Variants in TRIM32 observed in about 807,000 individuals in gnomAD.
TRIM32 encodes E3 ubiquitin-protein ligase TRIM32.
In TRIM32, 19 loss-of-function variants were observed where a neutral mutation model predicts 36.0. The observed-to-expected ratio is 0.53, with a 90% CI of 0.37 to 0.77. TRIM32 has a LOEUF of 0.77. TRIM32 is among the 30% of genes least tolerant of loss of function. The pLI, the probability that TRIM32 is intolerant of heterozygous loss-of-function variation, is 0.00. For missense variants in TRIM32, 747 were observed against 845.2 expected, an observed-to-expected ratio of 0.88 and a Z score of 1.44; for synonymous variants, 309 against 318.5, an observed-to-expected ratio of 0.97 and a Z score of 0.32.
At chr9:116,694,298 C>T (rs990506084) in intron 1 of TRIM32, among the ~76,000 whole-genome samples, 3 of 152,066 alleles carry the variant, frequency 2.0e-5, no homozygotes, top group African/African-American at 7.2e-5. Flanking sequence ...TCTGCACTGC[C>T]AGCTCTGGGA....
chr9:116,696,721 T>C (rs909819148), intron 1 of TRIM32, among the ~76,000 whole-genome samples: 4 of 152,188 alleles, frequency 2.6e-5, no homozygotes, highest in African/African-American at 4.8e-5. Context: ...AGTTTGAATA[T>C]CTGAAGAGCA....
rs201877419 is a variant in TRIM32 at position 116,698,034 on chromosome 9, C to A, written c.292C>A (p.Leu98Ile). 5.9e-5 allele frequency: 95 copies of A among 1,614,038 alleles called. No individual in the cohort carries two copies. In the Admixed American group the frequency reaches 1.5e-3, roughly 26 times the overall value. ...TAGLSEAVGLLMCRSCGRRLP... is the reference protein window; with the variant it reads ...TAGLSEAVGLIMCRSCGRRLP... ...TGGGCTCAGCGAGGCTGTGGGGCTG[C>A]TCATGTGTCGGTCCTGTGGGCGGCG... is the stretch of plus-strand genomic sequence containing the variant. Residue 98 changes from leucine (L) to isoleucine (I), a missense_variant, in exon 2 of 2, where the codon CTC (leucine) becomes ATC (isoleucine). Leu to Ile is a conservative substitution (Grantham distance 5). Coordinates refer to ENST00000450136, the MANE Select transcript of TRIM32 (RefSeq NM_012210.4). The surrounding 1 kb of genome is among the most constrained non-coding windows in gnomAD (Gnocchi z 4.4).
chr9:116,688,020 G>T (rs994672601), intron 1 of TRIM32, among the ~76,000 whole-genome samples: 1 of 152,058 alleles, frequency 6.6e-6, no homozygotes, highest in African/African-American at 2.4e-5. Context: ...AGAGGAAGGA[G>T]CAGGGTATGA....
rs560060853 is a variant in TRIM32 at position 116,687,729 on chromosome 9, C to T, written c.-82+348C>T. Among the ~76,000 whole-genome samples the T allele has an allele frequency of 1.2e-4, 18 of 151,788 alleles. No homozygotes were observed. The South Asian group carries it at 3.6e-3, about 30-fold the overall frequency. The stretch of plus-strand genomic sequence containing the variant: ...GTGGGAGATGGGAGGGAATCAGGGC[C>T]CTGGAGGGACCTGGGTGCAGAATTT... On this transcript the variant is annotated intron_variant, in intron 1 of 1. Coordinates refer to ENST00000450136, the MANE Select transcript of TRIM32 (RefSeq NM_012210.4).
At position 116,698,065 on chromosome 9, in the gene TRIM32, C is replaced by G; in HGVS notation, c.323C>G (p.Pro108Arg). The part of the protein sequence containing the change: ...LMCRSCGRRL[P>R]RQFCRSCGLV... ...TGTCGGTCCTGTGGGCGGCGTCTGC[C>G]CCGGCAATTCTGCCGGAGCTGTGGT... Residue 108 changes from proline to arginine, a missense_variant, in exon 2 of 2, where the codon CCC becomes CGC. By Grantham distance (103) the Pro-to-Arg change is moderately radical (BLOSUM62 -2). Transcript: ENST00000450136. This position sits in a 1 kb window ranked among gnomAD's most constrained non-coding sequence, Gnocchi z 4.4. 6.2e-7 allele frequency: 1 copy of G among 1,614,032 alleles called. No homozygotes were observed. Among genetic ancestry groups the G allele is most frequent in the South Asian group, 1.1e-5 (1 of 91,078 alleles).
Position 116,699,068 on chromosome 9 carries a change from T to A in TRIM32, c.1326T>A (p.Ile442=), listed in dbSNP as rs1372713940. ...LSVAMNCQGL[I]GVTDSYDNSL... is the part of the protein sequence containing the mutation. The stretch of plus-strand genomic sequence containing the variant: ...TGGCAATGAACTGCCAGGGGCTGAT[T>A]GGTGTGACTGACAGCTATGATAACT... The change falls in exon 2 of 2, where the codon ATT becomes ATA. Residue 442 remains isoleucine (I), a synonymous_variant. Coordinates refer to ENST00000450136, the MANE Select transcript of TRIM32 (RefSeq NM_012210.4). The surrounding 1 kb of genome is among the most constrained non-coding windows in gnomAD (Gnocchi z 4.2). 7 of 1,614,020 alleles carry A rather than the reference T, an allele frequency of 4.3e-6. No individual in the cohort carries two copies. The Admixed American group carries it at 5.0e-5, about 12-fold the overall frequency.
intron 1 of TRIM32, among the ~76,000 whole-genome samples, chr9:116,690,029 C>T (rs1219247744): frequency 1.3e-5 from 2 of 152,184 alleles, no homozygotes; most frequent in East Asian, 3.9e-4. Context: ...TTGCTGAAGC[C>T]AGTTCAGAAA....
At position 116,694,640 on chromosome 9, in the gene TRIM32, T is replaced by C. The variant is rs1004251808; in HGVS notation, c.-81-3022T>C. Reference sequence around the variant, plus strand: ...CACGCCCAGCTAATTTTTTTTTTTTTTTTTGTATTTTTAGTAGAGACGGAG... The same window carrying C: ...CACGCCCAGCTAATTTTTTTTTTTTCTTTTGTATTTTTAGTAGAGACGGAG... On this transcript the variant is annotated intron_variant, in intron 1 of 1. Transcript: ENST00000450136. 5.4e-5 allele frequency among the ~76,000 whole-genome samples: 8 copies of C among 149,220 alleles called. No homozygotes were observed. The East Asian group carries it at 7.9e-4, about 15-fold the overall frequency.
intron 1 of TRIM32, among the ~76,000 whole-genome samples, chr9:116,695,801 T>A (rs776776794): frequency 9.2e-5 from 14 of 152,202 alleles, no homozygotes; most frequent in Non-Finnish European, 2.1e-4. Flanking sequence ...TTCATAAGTA[T>A]ATGTATATCA....
rs774289005 is a variant in TRIM32 at position 116,700,196 on chromosome 9, C to T, written c.*492C>T. 2 of 201,204 alleles carry T rather than the reference C, an allele frequency of 9.9e-6. No individual in the cohort carries two copies. The highest frequency in any genetic ancestry group is 2.2e-5 in the Non-Finnish European group (2 of 89,668). 12.5% of individuals were successfully genotyped at this position (201,204 alleles called of 1,614,324 possible). On this transcript the variant is annotated 3_prime_UTR_variant, in exon 2 of 2. Transcript: ENST00000450136. ...CTCCACCTTTCAGTGACATTTAAGA[C>T]ATCATATTCCCGTAACATTATGTCT... is the stretch of plus-strand genomic sequence containing the variant.
At position 116,698,059 on chromosome 9, in the gene TRIM32, G is replaced by T. The variant is rs760730435; in HGVS notation, c.317G>T (p.Arg106Leu). The T allele has an allele frequency of 6.2e-7, 1 of 1,613,872 alleles. No homozygotes were observed. Among genetic ancestry groups the T allele is most frequent in the African/African-American group, 1.3e-5 (1 of 74,918 alleles). Residue 106 changes from arginine to leucine, a missense_variant, in exon 2 of 2, where the codon CGT becomes CTT. By Grantham distance (102) the Arg-to-Leu change is moderately radical. Coordinates refer to ENST00000450136, the MANE Select transcript of TRIM32 (RefSeq NM_012210.4). This position sits in a 1 kb window ranked among gnomAD's most constrained non-coding sequence, Gnocchi z 4.4. The part of the protein sequence containing the change: ...GLLMCRSCGR[R>L]LPRQFCRSCG... The stretch of plus-strand genomic sequence containing the variant: ...CTCATGTGTCGGTCCTGTGGGCGGC[G>T]TCTGCCCCGGCAATTCTGCCGGAGC...
intron 1 of TRIM32, among the ~76,000 whole-genome samples, chr9:116,693,848 C>T (rs1186609552): frequency 6.6e-6 from 1 of 152,180 alleles, no homozygotes; most frequent in Non-Finnish European, 1.5e-5. Context: ...CTGAGTCATT[C>T]TCAGTATTAC....
intron 1 of TRIM32, 140 bp from the exon 2 acceptor site, chr9:116,697,522 C>CAT (rs1177569682): frequency 7.7e-5 from 45 of 585,814 alleles, no homozygotes; most frequent in Admixed American, 5.4e-4. Flanking sequence ...CCTCACGTGA[C>CAT]ATATAATAGA....
At position 116,701,118 on chromosome 9, in the gene TRIM32, A is replaced by ATATC. The variant is rs886063387; in HGVS notation, c.*1416_*1419dup. ...GAGGGTTTGGTGTTTACTAAGTAAT[A>ATATC]TATCTTACTCTAGGTGCAGGGCTGA... is the stretch of plus-strand genomic sequence containing the variant. On this transcript the variant is annotated 3_prime_UTR_variant, in exon 2 of 2. Transcript: ENST00000450136. The ATATC allele has an allele frequency of 3.0e-5, 5 of 167,098 alleles. No individual in the cohort carries two copies. The highest frequency in any genetic ancestry group is 2.6e-4 in the Admixed American group (4 of 15,280). The allele number at this position is 167,098 out of a possible 1,614,324, so 10.4% of individuals were successfully genotyped here.
intron 1 of TRIM32, among the ~76,000 whole-genome samples, chr9:116,696,161 GCTCAAAAATCTCATTTTGGCT>G (rs1455756708): frequency 6.6e-6 from 1 of 151,890 alleles, no homozygotes; most frequent in Non-Finnish European, 1.5e-5. Flanking sequence ...TGAAAATGAC[GCTCAAAAATCTCATTTTGGCT>G]CTGAAGACCT....
Position 116,687,830 on chromosome 9 carries a change from G to A in TRIM32, c.-82+449G>A, listed in dbSNP as rs552179581. Among the ~76,000 whole-genome samples, 8 of 152,116 alleles carry A rather than the reference G, an allele frequency of 5.3e-5. No individual in the cohort carries two copies. The South Asian group carries it at 1.5e-3, about 28-fold the overall frequency. On this transcript the variant is annotated intron_variant, in intron 1 of 1. Transcript: ENST00000450136. ...GGGCGCTAGGCATCTGGCAAGGACAGGGTCTGAGATGATAGGAGCAAGGTC... is the reference window on the plus strand; with the variant it reads ...GGGCGCTAGGCATCTGGCAAGGACAAGGTCTGAGATGATAGGAGCAAGGTC...
chr9:116,697,597 G>A, intron 1 of TRIM32, 65 bp from the exon 2 acceptor site: 1 of 1,044,484 alleles, frequency 9.6e-7, no homozygotes, highest in South Asian at 1.4e-5. Flanking sequence ...TTCTCTAAAT[G>A]TTTCTTGAGT....
At position 116,699,470 on chromosome 9, in the gene TRIM32, C is replaced by T. The variant is rs774825642; in HGVS notation, c.1728C>T (p.Arg576=). Residue 576 remains arginine, a synonymous_variant, in exon 2 of 2, where the codon CGC becomes CGT. Transcript: ENST00000450136. The surrounding 1 kb of genome is among the most constrained non-coding windows in gnomAD (Gnocchi z 4.2). ...SHFFSENEDF[R]CIAGMCVDAR... ...TCTTCTCGGAGAATGAGGATTTCCGCTGCATTGCTGGCATGTGTGTGGATG... is the reference window on the plus strand; with the variant it reads ...TCTTCTCGGAGAATGAGGATTTCCGTTGCATTGCTGGCATGTGTGTGGATG... 1.9e-5 allele frequency: 31 copies of T among 1,614,110 alleles called. No individual in the cohort carries two copies. In the East Asian group the frequency reaches 6.5e-4, roughly 34 times the overall value.
intron 1 of TRIM32, among the ~76,000 whole-genome samples, chr9:116,694,799 A>G (rs1378817565): frequency 1.3e-5 from 2 of 151,962 alleles, no homozygotes; most frequent in African/African-American, 4.8e-5. Context: ...CAGTATGTCT[A>G]TGCTATTGCC....
Sources: allele counts gnomAD v4.1 joint callset (sites outside exome capture counted in the v4.1 genomes callset), GRCh38; gene constraint gnomAD v4.1.1; non-coding constraint Gnocchi (gnomAD v3.1); transcripts MANE v1.5; gene names NCBI Gene and HGNC (gene_info 2026-07-23, HGNC 2026-07-21).